PDE3B: variants seen among roughly 807,000 people sequenced by gnomAD.
The protein encoded by PDE3B is phosphodiesterase 3B.
PDE3B carries 66 observed loss-of-function variants against 116.8 expected under a neutral mutation model. The ratio of observed to expected loss-of-function variants is 0.56; its 90% confidence interval spans 0.46 to 0.69. PDE3B has a LOEUF of 0.69. Ranked by LOEUF, PDE3B falls within the 30% of genes least tolerant of loss-of-function variation. The pLI is 0.00. For missense variants in PDE3B, 1,384 were observed against 1,368.1 expected, an observed-to-expected ratio of 1.01 and a Z score of -0.18; for synonymous variants, 595 against 533.6, an observed-to-expected ratio of 1.12 and a Z score of -1.59.
chr11:14,867,958 A>G (rs1555008369), intron 15 of PDE3B, among the ~76,000 whole-genome samples, 200 bp downstream of exon 15: 1 of 152,226 alleles, frequency 6.6e-6, no homozygotes, highest in East Asian at 1.9e-4. Flanking sequence ...TTCCAAAATC[A>G]GAAACCCCTC....
chr11:14,774,932 A>G (rs1268765782), intron 2 of PDE3B: 2 of 152,070 alleles, frequency 1.3e-5, no homozygotes, highest in African/African-American at 4.8e-5. Flanking sequence ...TTATTCCCCA[A>G]ACAAGTCAGA....
At chr11:14,790,140 A>G (rs10766192) in intron 4 of PDE3B, among the ~76,000 whole-genome samples, 53,805 of 151,726 alleles carry the variant, frequency 0.35, 10,909 homozygotes, top group South Asian at 0.46. Context: ...AGATGATTAT[A>G]ATTTTCTAGA....
intron 1 of PDE3B, among the ~76,000 whole-genome samples, chr11:14,676,123 G>A (rs1370406843): frequency 6.6e-6 from 1 of 152,044 alleles, no homozygotes; most frequent in African/African-American, 2.4e-5. Context: ...GACCATTTAT[G>A]TATCTTCTTT....
At chr11:14,841,760 G>A (rs1486417722) in intron 11 of PDE3B, among the ~76,000 whole-genome samples, 1 of 33,708 alleles carries the variant, frequency 3.0e-5, no homozygotes, top group Non-Finnish European at 6.2e-5. Context: ...GAACTCCTGA[G>A]CTCAAGTGAT....
chr11:14,680,390 C>T (rs1431036639), intron 1 of PDE3B, among the ~76,000 whole-genome samples: 1 of 152,144 alleles, frequency 6.6e-6, no homozygotes, highest in Non-Finnish European at 1.5e-5. Flanking sequence ...TGCTGTTTGG[C>T]CCCAGTGTTC....
At chr11:14,800,289 A>AC (rs1382633825) in intron 4 of PDE3B, among the ~76,000 whole-genome samples, 3 of 152,014 alleles carry the variant, frequency 2.0e-5, no homozygotes, top group Admixed American at 6.6e-5. Context: ...ACGTGGTGAA[A>AC]CCCCGTCTCT....
intron 1 of PDE3B, among the ~76,000 whole-genome samples, chr11:14,770,237 A>G (rs957114520): frequency 1.3e-5 from 2 of 151,350 alleles, no homozygotes; most frequent in African/African-American, 4.8e-5. Flanking sequence ...ACTCCTGTCT[A>G]TTCTAGACAT....
At chr11:14,849,588 T>C (rs1360024171) in intron 12 of PDE3B, among the ~76,000 whole-genome samples, 1 of 152,074 alleles carries the variant, frequency 6.6e-6, no homozygotes, top group Non-Finnish European at 1.5e-5. Context: ...AACCTACTCA[T>C]CTGACAAAGG....
chr11:14,727,287 T>TG (rs1856335988), intron 1 of PDE3B, among the ~76,000 whole-genome samples: 1 of 152,128 alleles, frequency 6.6e-6, no homozygotes, highest in African/African-American at 2.4e-5. Context: ...ATTTACTATG[T>TG]GGGGTCTTTT....
chr11:14,811,089 T>C (rs973290638), intron 5 of PDE3B, among the ~76,000 whole-genome samples: 2 of 152,212 alleles, frequency 1.3e-5, no homozygotes, highest in Non-Finnish European at 2.9e-5. Flanking sequence ...GATGAGTAGG[T>C]TGTGAAAATT....
intron 1 of PDE3B, among the ~76,000 whole-genome samples, chr11:14,683,057 C>T (rs1281457476): frequency 6.6e-6 from 1 of 152,042 alleles, no homozygotes; most frequent in Non-Finnish European, 1.5e-5. Flanking sequence ...CCTGCCTCAG[C>T]CTCCCAAGTA....
At chr11:14,880,478 G>T in the PDE3B span, 1 of 1,613,456 alleles carries the variant, frequency 6.2e-7, no homozygotes, top group African/African-American at 1.3e-5. Context: ...CTGGCAGCTA[G>T]TTCCACATTT....
chr11:14,794,163 A>G (rs1320560744), intron 4 of PDE3B, among the ~76,000 whole-genome samples: 1 of 152,038 alleles, frequency 6.6e-6, no homozygotes, highest in Admixed American at 6.6e-5. Flanking sequence ...AACAAACTCA[A>G]TTTCTTCCAC....
intron 1 of PDE3B, among the ~76,000 whole-genome samples, chr11:14,708,825 A>C (rs1437648012): frequency 6.6e-6 from 1 of 152,046 alleles, no homozygotes; most frequent in Non-Finnish European, 1.5e-5. Context: ...AATAAAACAA[A>C]TAGGACAAAA....
Position 14,645,001 on chromosome 11 carries a change from G to A in PDE3B, c.926G>A (p.Gly309Asp), listed in dbSNP as rs1853348939. The A allele has an allele frequency of 1.2e-6, 2 of 1,613,414 alleles. No individual in the cohort carries two copies. The highest frequency in any genetic ancestry group is 1.7e-6 in the Non-Finnish European group (2 of 1,179,920). ...SLGETAASYYGSCKIFRRPSL... is the reference protein window; with the variant it reads ...SLGETAASYYDSCKIFRRPSL... ...GGAGAAACTGCAGCCAGTTACTATG[G>A]CAGTTGCAAAATATTCAGGAGACCG... Residue 309 changes from glycine to aspartate, a missense_variant, in exon 1 of 16, where the codon GGC becomes GAC. This residue lies in a region of PDE3B where 956 missense variants were observed against 806.8 expected (regional missense o/e 1.18). Transcript: ENST00000282096.
At chr11:14,783,765 A>T (rs1229077161) in intron 2 of PDE3B, among the ~76,000 whole-genome samples, 4 of 150,702 alleles carry the variant, frequency 2.7e-5, no homozygotes, top group African/African-American at 5.0e-5. Flanking sequence ...ATATAATAAT[A>T]AAAAAAAAGA....
At chr11:14,805,806 G>C (rs769954767) in intron 5 of PDE3B, among the ~76,000 whole-genome samples, 2 of 152,040 alleles carry the variant, frequency 1.3e-5, no homozygotes, top group African/African-American at 4.8e-5. Context: ...ATTAAAAAGT[G>C]TTGATGGGTC....
chr11:14,801,737 C>A (rs545505370), intron 4 of PDE3B, among the ~76,000 whole-genome samples: 15 of 152,170 alleles, frequency 9.9e-5, no homozygotes, highest in Non-Finnish European at 1.6e-4. Flanking sequence ...CACCCGTAGC[C>A]ACCCCTTCCC....
intron 2 of PDE3B, among the ~76,000 whole-genome samples, chr11:14,785,346 A>G (rs1858157132): frequency 6.6e-6 from 1 of 152,098 alleles, no homozygotes; most frequent in African/African-American, 2.4e-5. Context: ...GAAATGTTTT[A>G]AAGTGAAAAC....
Sources: gnomAD v4.1 joint callset for allele counts (sites outside exome capture counted in the v4.1 genomes callset) on GRCh38, gnomAD v4.1.1 for gene constraint, gnomAD v4.1.1 regional missense constraint, MANE v1.5 for transcripts, NCBI Gene and HGNC (gene_info 2026-07-23, HGNC 2026-07-21) for gene names.